The following CSMD1 variants were observed in gnomAD, a reference collection of about 807,000 sequenced individuals.
CSMD1 encodes CUB and Sushi multiple domains 1, also known as CUB and sushi domain-containing protein 1.
Under a neutral mutation model 417.5 loss-of-function variants are expected in CSMD1, and 213 were observed. The ratio of observed to expected loss-of-function variants is 0.51; its 90% CI spans 0.46 to 0.57. The LOEUF is 0.57. CSMD1 is among the 20% of genes least tolerant of loss of function. The pLI, the probability that CSMD1 is intolerant of heterozygous loss-of-function variation, is 0.00. For missense variants in CSMD1, 6,923 were observed against 4,529.7 expected, an observed-to-expected ratio of 1.53 and a Z score of -15.17; for synonymous variants, 2,862 against 1,736.8, an observed-to-expected ratio of 1.65 and a Z score of -16.11.
intron 10 of CSMD1, among the ~76,000 whole-genome samples, chr8:3,539,114 C>T (rs572896874): frequency 1.4e-4 from 22 of 152,292 alleles, no homozygotes; most frequent in Middle Eastern, 3.4e-3. Context: ...CCTGCACCCG[C>T]GGATAGCAGG....
intron 3 of CSMD1, among the ~76,000 whole-genome samples, chr8:4,210,432 C>T (rs901951153): frequency 2.6e-5 from 4 of 152,142 alleles, no homozygotes; most frequent in East Asian, 1.9e-4. Context: ...AAATCTCAGT[C>T]ATTTTAAACA....
chr8:3,472,859 C>T (rs745892191), intron 11 of CSMD1, among the ~76,000 whole-genome samples: 6 of 152,112 alleles, frequency 3.9e-5, no homozygotes, highest in Non-Finnish European at 7.4e-5. Context: ...TTCATGTCAC[C>T]AGTCATCGGC....
intron 27 of CSMD1, among the ~76,000 whole-genome samples, chr8:3,225,562 T>C: frequency 6.6e-6 from 1 of 152,176 alleles, no homozygotes; most frequent in East Asian, 1.9e-4. Flanking sequence ...CCTGAAGGTC[T>C]AGAAGATTCT....
At chr8:3,757,457 T>C (rs1001977331) in intron 5 of CSMD1, among the ~76,000 whole-genome samples, 4 of 152,222 alleles carry the variant, frequency 2.6e-5, no homozygotes, top group African/African-American at 9.6e-5. Flanking sequence ...AGTTACTTTT[T>C]GATTGTATTT....
chr8:4,368,455 G>C (rs531958335), intron 3 of CSMD1, among the ~76,000 whole-genome samples: 4 of 152,208 alleles, frequency 2.6e-5, no homozygotes, highest in Admixed American at 2.6e-4. Context: ...TCTCTACCAG[G>C]GTTTTAATAT....
At chr8:3,406,260 T>C (rs1221563932) in intron 14 of CSMD1, 39 bp from the exon 15 acceptor site, 7 of 1,495,868 alleles carry the variant, frequency 4.7e-6, no homozygotes, top group Non-Finnish European at 5.4e-6. Context: ...ATAAAAATAC[T>C]TGAGTATTAA....
At chr8:4,837,424 G>C (rs7002428) in intron 1 of CSMD1, among the ~76,000 whole-genome samples, 1,849 of 152,236 alleles carry the variant, frequency 0.012, 36 homozygotes, top group African/African-American at 0.042. Context: ...AAAAGAATGA[G>C]ATTCTATCAT....
chr8:3,502,782 G>T (rs954151996), intron 10 of CSMD1, among the ~76,000 whole-genome samples: 1 of 152,194 alleles, frequency 6.6e-6, no homozygotes, highest in Non-Finnish European at 1.5e-5. Flanking sequence ...TATAATGGTG[G>T]ACACTGACTT....
intron 2 of CSMD1, among the ~76,000 whole-genome samples, chr8:4,427,533 A>G (rs984065770): frequency 1.1e-4 from 16 of 152,074 alleles, no homozygotes; most frequent in Admixed American, 6.6e-5. Flanking sequence ...AAACACACAC[A>G]GTGAATCATG....
chr8:4,745,943 T>C (rs1347919049), intron 1 of CSMD1, among the ~76,000 whole-genome samples: 2 of 152,188 alleles, frequency 1.3e-5, no homozygotes, highest in African/African-American at 4.8e-5. Flanking sequence ...ATTTCCCCAT[T>C]TGGTATCTCA....
chr8:4,212,347 C>A (rs1431146851), intron 3 of CSMD1, among the ~76,000 whole-genome samples: 1 of 151,876 alleles, frequency 6.6e-6, no homozygotes, highest in African/African-American at 2.4e-5. Flanking sequence ...GAAGAAAATC[C>A]CACCAATTAA....
intron 5 of CSMD1, among the ~76,000 whole-genome samples, chr8:3,941,802 A>G (rs994118897): frequency 1.3e-5 from 2 of 152,072 alleles, no homozygotes; most frequent in African/African-American, 4.8e-5. Flanking sequence ...CTGTTCCCTC[A>G]TACGCAAGGA....
chr8:4,629,157 T>C (rs1802351711), intron 2 of CSMD1, among the ~76,000 whole-genome samples: 1 of 152,200 alleles, frequency 6.6e-6, no homozygotes. Context: ...TATTTTGTCA[T>C]ATTTGAATGC....
chr8:3,976,485 A>G lies in CSMD1; in HGVS notation c.818+21418T>C, dbSNP rs573678744. Among the ~76,000 whole-genome samples the G allele has an allele frequency of 4.6e-5, 7 of 152,334 alleles. No individual in the cohort carries two copies. The South Asian group carries it at 1.4e-3, about 32-fold the overall frequency. On this transcript the variant is annotated intron_variant, in intron 5 of 69. Coordinates refer to ENST00000635120, the MANE Select transcript of CSMD1 (RefSeq NM_033225.6). ...GTCTCCCGGGTCTAGAAGTGTGACTAACACATAACGCTTAATAAATATTTG... is the reference window on the plus strand; with the variant it reads ...GTCTCCCGGGTCTAGAAGTGTGACTGACACATAACGCTTAATAAATATTTG...
At chr8:3,863,109 G>T in intron 5 of CSMD1, among the ~76,000 whole-genome samples, 1 of 152,034 alleles carries the variant, frequency 6.6e-6, no homozygotes, top group East Asian at 1.9e-4. Flanking sequence ...TTTTTTAAAG[G>T]TGCGAAGGTC....
At chr8:4,654,736 C>G (rs1353059825) in intron 1 of CSMD1, among the ~76,000 whole-genome samples, 1 of 152,066 alleles carries the variant, frequency 6.6e-6, no homozygotes, top group Non-Finnish European at 1.5e-5. Context: ...ATTCATAATT[C>G]AGACAGAGAA....
chr8:4,647,995 T>C (rs1048445324), intron 1 of CSMD1, among the ~76,000 whole-genome samples: 3 of 152,240 alleles, frequency 2.0e-5, no homozygotes, highest in African/African-American at 4.8e-5. Flanking sequence ...TGCCACACTG[T>C]CTTCCTCAGT....
At chr8:4,181,160 T>A (rs1798350175) in intron 3 of CSMD1, among the ~76,000 whole-genome samples, 1 of 152,144 alleles carries the variant, frequency 6.6e-6, no homozygotes, top group Non-Finnish European at 1.5e-5. Flanking sequence ...TGTATTTGCT[T>A]TAAAAGTAAA....
intron 3 of CSMD1, among the ~76,000 whole-genome samples, chr8:4,348,181 T>C (rs1348010294): frequency 6.6e-6 from 1 of 152,174 alleles, no homozygotes; most frequent in Non-Finnish European, 1.5e-5. Flanking sequence ...ATATGATCTC[T>C]GGATATGGCA....
Sources: allele counts gnomAD v4.1 joint callset (sites outside exome capture counted in the v4.1 genomes callset), GRCh38; gene constraint gnomAD v4.1.1; transcripts MANE v1.5; gene names NCBI Gene and HGNC (gene_info 2026-07-23, HGNC 2026-07-21).